TOGARAM2: variants seen among roughly 807,000 people sequenced by gnomAD.
TOGARAM2 encodes the protein TOG array regulator of axonemal microtubules protein 2.
In TOGARAM2, 85 loss-of-function variants were observed where a neutral mutation model predicts 93.3. That is an observed-to-expected ratio of 0.91 (90% CI 0.76 to 1.09). The LOEUF (loss-of-function observed/expected upper bound fraction) is 1.09. Among genes scored for constraint, TOGARAM2 ranks in the 50% least tolerant of loss-of-function variants. TOGARAM2 has a pLI of 0.00. For missense variants in TOGARAM2, 1,277 were observed against 1,334.5 expected (o/e 0.96, Z 0.67); for synonymous variants, 593 against 552.8 (o/e 1.07, Z -1.02).
At chr2:29,036,785 C>A in intron 18 of TOGARAM2, 28 bp downstream of exon 18, 1 of 1,594,324 alleles carries the variant, frequency 6.3e-7, no homozygotes, top group Non-Finnish European at 8.6e-7. Flanking sequence ...GCCTGTGTGG[C>A]TCTGGTCACC....
Position 29,026,887 on chromosome 2 carries a change from G to A in TOGARAM2, c.1888G>A (p.Glu630Lys), listed in dbSNP as rs1340342711. 6.3e-6 allele frequency: 10 copies of A among 1,593,388 alleles called. No homozygotes were observed. Among genetic ancestry groups the A allele is most frequent in the Non-Finnish European group, 8.5e-6 (10 of 1,169,866 alleles). Residue 630 changes from glutamate to lysine, a missense_variant, in exon 14 of 20, where the codon GAG (glutamate) becomes AAG (lysine). Transcript: ENST00000379558. ...RNPLIRKYAA[E>K]HLSAVLEQIG... ...CCCCTTGATCCGGAAATACGCGGCT[G>A]AGCACCTCTCAGCTGTGCTGGAGCA...
chr2:28,977,745 G>T (rs576011535), upstream of TOGARAM2, among the ~76,000 whole-genome samples: 3 of 152,166 alleles, frequency 2.0e-5, no homozygotes, highest in Non-Finnish European at 4.4e-5. Context: ...CAGGAGAGGG[G>T]CGGGCAGTTA....
chr2:29,022,094 C>T lies in TOGARAM2; in HGVS notation c.1361-64C>T, dbSNP rs150374692. ...CTCCCATGGTGAGCGGTGGCAGGAG[C>T]GGCCACTCGGGCTCTTGCCTGTCCT... is the stretch of plus-strand genomic sequence containing the variant. On this transcript the variant is annotated intron_variant, in intron 10 of 19. Coordinates refer to ENST00000379558, the MANE Select transcript of TOGARAM2 (RefSeq NM_199280.4). The T allele has an allele frequency of 1.1e-3, 1,829 of 1,602,290 alleles. 29 individuals are homozygous for T. The African/African-American group carries it at 0.021, about 18-fold the overall frequency.
chr2:29,004,823 G>A (rs985063089), intron 6 of TOGARAM2, among the ~76,000 whole-genome samples: 1 of 151,578 alleles, frequency 6.6e-6, no homozygotes, highest in Admixed American at 6.6e-5. Context: ...TGGAGTATGT[G>A]TGTGCATGTA....
Position 29,022,249 on chromosome 2 carries a change from T to G in TOGARAM2, c.1452T>G (p.Pro484=), listed in dbSNP as rs1665002333. The G allele has an allele frequency of 6.2e-7, 1 of 1,613,912 alleles. No individual in the cohort carries two copies. Among genetic ancestry groups the G allele is most frequent in the Non-Finnish European group, 8.5e-7 (1 of 1,179,894 alleles). Residue 484 remains proline (P), a synonymous_variant, in exon 11 of 20, where the codon CCT becomes CCG. Transcript: ENST00000379558. ...MDLRACKELR[P]FSNPELGLRD... The stretch of plus-strand genomic sequence containing the variant: ...TTAGAGCCTGTAAGGAGTTGAGGCC[T>G]TTCTCGAACCCGGAGCTGGGGCTGA...
intron 19 of TOGARAM2, chr2:29,051,413 T>A (rs1050041732): frequency 1.1e-5 from 2 of 180,078 alleles, no homozygotes; most frequent in Non-Finnish European, 2.3e-5. Flanking sequence ...CGTGCCTGCC[T>A]CTTTCCTGTT....
chr2:29,024,636 C>T (rs60643419), intron 13 of TOGARAM2, among the ~76,000 whole-genome samples: 5 of 152,244 alleles, frequency 3.3e-5, no homozygotes, highest in South Asian at 2.1e-4. Flanking sequence ...TTCCCTGTGC[C>T]GGGCATCCGG....
At chr2:29,025,480 G>A (rs2148353758) in intron 13 of TOGARAM2, among the ~76,000 whole-genome samples, 1 of 152,260 alleles carries the variant, frequency 6.6e-6, no homozygotes, top group East Asian at 1.9e-4. Context: ...GTAGATGTGA[G>A]ATAATGGATA....
rs1671726544 is a variant in TOGARAM2, at chr2:28,956,937, C to A, written c.-147+240C>A. Among the ~76,000 whole-genome samples the A allele has an allele frequency of 6.6e-6, 1 of 151,978 alleles. No homozygotes were observed. Among genetic ancestry groups the A allele is most frequent in the Non-Finnish European group, 1.5e-5 (1 of 68,008 alleles). On this transcript the variant is annotated intron_variant, in intron 1 of 6. Transcript: ENST00000401723. The surrounding 1 kb of genome is among the most constrained non-coding windows in gnomAD (Gnocchi z 4.5). ...GTCAGGAGTTCGAGACTAGCCTAGC[C>A]AACATGGCGAACCCCTGTCTCTACT...
intron 6 of TOGARAM2, among the ~76,000 whole-genome samples, chr2:29,006,113 GCATA>G (rs1663788634): frequency 1.6e-5 from 1 of 63,096 alleles, no homozygotes; most frequent in African/African-American, 4.7e-5. Flanking sequence ...TGTGTGGAGT[GCATA>G]TGTGTGTGCA....
chr2:28,997,997 G>T, intron 2 of TOGARAM2, 146 bp from the exon 3 acceptor site: 1 of 536,950 alleles, frequency 1.9e-6, no homozygotes, highest in South Asian at 2.6e-5. Context: ...CTGGTGTTGG[G>T]GGTGGGGCCA....
At chr2:29,001,749 C>T (rs1255764753) in intron 4 of TOGARAM2, among the ~76,000 whole-genome samples, 1 of 152,250 alleles carries the variant, frequency 6.6e-6, no homozygotes, top group Admixed American at 6.5e-5. Context: ...CGTTCTCGGC[C>T]TCCCAAAGTG....
chr2:28,963,196 C>A (rs1671822513), intron 1 of TOGARAM2, among the ~76,000 whole-genome samples: 1 of 152,036 alleles, frequency 6.6e-6, no homozygotes, highest in Non-Finnish European at 1.5e-5. Flanking sequence ...TCCTTTGACT[C>A]CTGGATTATT....
intron 9 of TOGARAM2, 125 bp from the exon 10 acceptor site, chr2:29,017,659 CCTCGGACT>C (rs1450133448): frequency 1.7e-5 from 15 of 864,194 alleles, no homozygotes; most frequent in Non-Finnish European, 2.2e-5. Context: ...CATCCTCCTA[CCTCGGACT>C]CCCAACATGT....
chr2:29,018,138 T>G, intron 10 of TOGARAM2, 182 bp downstream of exon 10: 2 of 658,526 alleles, frequency 3.0e-6, no homozygotes, highest in Non-Finnish European at 5.0e-6. Context: ...GGACTCATCA[T>G]TGTCTACAGG....
intron 12 of TOGARAM2, among the ~76,000 whole-genome samples, chr2:29,023,705 G>A (rs1431721280): frequency 1.3e-5 from 2 of 152,154 alleles, no homozygotes. Context: ...TGGGCTGTGT[G>A]GGGAGCATCT....
At chr2:29,020,944 C>T (rs1423214429) in intron 10 of TOGARAM2, among the ~76,000 whole-genome samples, 2 of 152,130 alleles carry the variant, frequency 1.3e-5, no homozygotes, top group African/African-American at 4.8e-5. Context: ...GACTGAGTCT[C>T]ACTCTGTCGC....
At chr2:29,029,860 C>T (rs554066599) in intron 14 of TOGARAM2, among the ~76,000 whole-genome samples, 119 of 151,944 alleles carry the variant, frequency 7.8e-4, no homozygotes, top group Non-Finnish European at 1.0e-3. Flanking sequence ...GTATACTGCT[C>T]GGGTGATGGG....
chr2:29,023,012 G>T, intron 11 of TOGARAM2, 74 bp from the exon 12 acceptor site: 1 of 1,346,394 alleles, frequency 7.4e-7, no homozygotes, highest in Admixed American at 2.0e-5. Flanking sequence ...TGTGATGTGG[G>T]GCCCCTAGTC....
Sources: gnomAD v4.1 joint callset for allele counts (sites outside exome capture counted in the v4.1 genomes callset) on GRCh38, gnomAD v4.1.1 for gene constraint, Gnocchi (gnomAD v3.1) non-coding constraint, MANE v1.5 for transcripts, NCBI Gene and HGNC (gene_info 2026-07-23, HGNC 2026-07-21) for gene names.